MBP: variants seen among roughly 807,000 people sequenced by gnomAD.
The protein encoded by MBP is myelin basic protein, also known as Golli-MBP.
Under a neutral mutation model 35.8 loss-of-function variants are expected in MBP, and 16 were observed. The ratio of observed to expected loss-of-function variants is 0.45; its 90% CI spans 0.30 to 0.68. The LOEUF is 0.68. MBP is among the 30% of genes least tolerant of loss of function. MBP has a pLI of 0.08. For missense variants in MBP, 380 were observed against 404.7 expected, an observed-to-expected ratio of 0.94 and a Z score of 0.52; for synonymous variants, 143 against 159.6, an observed-to-expected ratio of 0.90 and a Z score of 0.78.
intron 3 of MBP, 28 bp from the exon 4 acceptor site, chr18:77,017,296 G>A (rs763743732): frequency 2.7e-6 from 4 of 1,494,942 alleles, no homozygotes; most frequent in South Asian, 2.8e-5. Context: ...ATATGAATAC[G>A]GGCCTGTGCA....
intron 1 of MBP, among the ~76,000 whole-genome samples, chr18:77,128,555 C>G (rs1230250464): frequency 3.9e-5 from 5 of 129,508 alleles, no homozygotes; most frequent in African/African-American, 6.6e-5. Context: ...ACACACAGAG[C>G]AGTCTATAAA....
intron 2 of MBP, among the ~76,000 whole-genome samples, chr18:77,077,620 C>T (rs1473888641): frequency 6.6e-6 from 1 of 152,104 alleles, no homozygotes; most frequent in Non-Finnish European, 1.5e-5. Flanking sequence ...GATTTAAGTC[C>T]GTGACTCCTC....
intron 3 of MBP, among the ~76,000 whole-genome samples, chr18:77,021,640 T>C: frequency 6.6e-6 from 1 of 152,102 alleles, no homozygotes; most frequent in Non-Finnish European, 1.5e-5. Context: ...CCTGCCACTG[T>C]GCCCAGCTAA....
At chr18:76,994,198 T>G (rs1970138274) in intron 4 of MBP, among the ~76,000 whole-genome samples, 1 of 152,246 alleles carries the variant, frequency 6.6e-6, no homozygotes, top group Non-Finnish European at 1.5e-5. Flanking sequence ...AGTTACTTAT[T>G]AGCTCCTACT....
At chr18:76,991,752 C>T (rs970450250) in intron 4 of MBP, among the ~76,000 whole-genome samples, 1 of 152,156 alleles carries the variant, frequency 6.6e-6, no homozygotes, top group Non-Finnish European at 1.5e-5. Context: ...TGCGCCCCGT[C>T]GACACAGAAC....
rs1385896184 is a variant in MBP at position 77,028,425 on chromosome 18, AAT to A, written c.140-11159_140-11158del. ...AGACACGGCAACCATCCGATTTCTC[AAT>A]CTTTTCCCCACCTTTCCCCCCTTTC... is the stretch of plus-strand genomic sequence containing the variant. On this transcript the variant is annotated intron_variant, in intron 3 of 8. Transcript: ENST00000355994. Among the ~76,000 whole-genome samples the A allele has an allele frequency of 5.0e-5, 5 of 99,380 alleles. 1 individual carries two copies. The highest frequency in any genetic ancestry group is 9.8e-3 in the Middle Eastern group (2 of 204). The allele number at this position is 99,380 out of a possible 152,430, so 65.2% of individuals were successfully genotyped here.
chr18:77,066,278 C>T lies in MBP; in HGVS notation c.139+20G>A. 1.3e-6 allele frequency: 2 copies of T among 1,596,194 alleles called. No individual in the cohort carries two copies. Among genetic ancestry groups the T allele is most frequent in the Non-Finnish European group, 1.7e-6 (2 of 1,165,770 alleles). On this transcript the variant is annotated intron_variant, in intron 3 of 8. Transcript: ENST00000355994. The stretch of plus-strand genomic sequence containing the variant: ...GCTGTCACCATGTGGCGCCATGTTG[C>T]CGATATCTGCGTCACCTACCGAACA...
At chr18:77,011,541 T>G (rs1441066144) in intron 4 of MBP, among the ~76,000 whole-genome samples, 1 of 152,162 alleles carries the variant, frequency 6.6e-6, no homozygotes, top group Non-Finnish European at 1.5e-5. Context: ...GGGGTAGCCA[T>G]AAGACATCCC....
rs868567328 is a variant in MBP, at chr18:77,129,339, C to A, written c.-26+3241G>T. Among the ~76,000 whole-genome samples the A allele has an allele frequency of 8.5e-5, 13 of 152,218 alleles. 1 individual carries two copies. The highest frequency in any genetic ancestry group is 1.9e-4 in the Non-Finnish European group (13 of 68,038). ...TACTAATAGCTTTGGAACATGCACT[C>A]GTGGTTGTTGCTGGCATGTGGGAGA... On this transcript the variant is annotated intron_variant, in intron 1 of 8. Coordinates refer to ENST00000355994, the MANE Select transcript of MBP (RefSeq NM_001025101.2).
chr18:77,060,095 C>T (rs887843398), intron 3 of MBP, among the ~76,000 whole-genome samples: 2 of 152,194 alleles, frequency 1.3e-5, no homozygotes, highest in African/African-American at 4.8e-5. Context: ...CCATGTCCTT[C>T]TATGTTAAAC....
chr18:77,000,163 G>A (rs1970554349), intron 4 of MBP, among the ~76,000 whole-genome samples: 2 of 152,126 alleles, frequency 1.3e-5, no homozygotes, highest in Admixed American at 1.3e-4. Flanking sequence ...ATTTTCTATT[G>A]TTTAGAAAAA....
intron 2 of MBP, among the ~76,000 whole-genome samples, chr18:77,085,904 G>A (rs565072853): frequency 5.5e-4 from 84 of 152,024 alleles, no homozygotes; most frequent in African/African-American, 1.9e-3. Context: ...GGATGGTCTC[G>A]ATCTCCTGAC....
intron 2 of MBP, among the ~76,000 whole-genome samples, chr18:77,079,460 C>G (rs1974800873): frequency 1.3e-5 from 2 of 152,332 alleles, no homozygotes; most frequent in South Asian, 2.1e-4. Context: ...ATTATGGAAT[C>G]TCTCAAAGGT....
At chr18:77,093,782 C>T (rs1975639069) in intron 2 of MBP, among the ~76,000 whole-genome samples, 1 of 152,210 alleles carries the variant, frequency 6.6e-6, no homozygotes, top group Admixed American at 6.5e-5. Context: ...AACTGCTGGA[C>T]ACCCCGCCCA....
chr18:77,019,229 C>A (rs1971884745), intron 3 of MBP, among the ~76,000 whole-genome samples: 1 of 152,122 alleles, frequency 6.6e-6, no homozygotes, highest in Admixed American at 6.5e-5. Context: ...GAATAGTATC[C>A]CTCCAAATGA....
chr18:77,079,379 C>T (rs1351521932), intron 2 of MBP, among the ~76,000 whole-genome samples: 1 of 152,190 alleles, frequency 6.6e-6, no homozygotes, highest in Non-Finnish European at 1.5e-5. Flanking sequence ...TAGGGCAAAG[C>T]TCAAACATGT....
At position 76,984,733 on chromosome 18, in the gene MBP, C is replaced by T. The variant is rs762464937; in HGVS notation, c.870+42G>A. On this transcript the variant is annotated intron_variant, in intron 8 of 8. Coordinates refer to ENST00000355994, the MANE Select transcript of MBP (RefSeq NM_001025101.2). ...CAGCTTAGTTGGGGATTCTGGGAGC[C>T]CTTAGTCCCCGCTCAGTGGAGCTGA... 20 of 1,613,078 alleles carry T rather than the reference C, an allele frequency of 1.2e-5. No individual in the cohort carries two copies. In the Admixed American group the frequency reaches 2.8e-4, roughly 23 times the overall value.
intron 2 of MBP, among the ~76,000 whole-genome samples, chr18:77,079,159 A>C (rs571090451): frequency 6.6e-6 from 1 of 152,350 alleles, no homozygotes; most frequent in Non-Finnish European, 1.5e-5. Flanking sequence ...GTGGCTGGTA[A>C]AGGGTCTTTC....
At chr18:77,052,725 C>A (rs890403018) in intron 3 of MBP, among the ~76,000 whole-genome samples, 1 of 152,188 alleles carries the variant, frequency 6.6e-6, no homozygotes, top group African/African-American at 2.4e-5. Flanking sequence ...AATAATCCCC[C>A]ACGGGAACAC....
Sources: allele counts gnomAD v4.1 joint callset (sites outside exome capture counted in the v4.1 genomes callset), GRCh38; gene constraint gnomAD v4.1.1; transcripts MANE v1.5; gene names NCBI Gene and HGNC (gene_info 2026-07-23, HGNC 2026-07-21).